The following GLMN variants were observed in gnomAD, a reference collection of about 807,000 sequenced individuals.
The protein encoded by GLMN is glomulin, FKBP associated protein, also known as glomulin.
In GLMN, 75 loss-of-function variants were observed where a neutral mutation model predicts 87.8. That is an observed-to-expected ratio of 0.85 (90% CI 0.71 to 1.04). GLMN has a LOEUF of 1.04. GLMN is among the 50% of genes least tolerant of loss of function. The pLI, the probability that GLMN is intolerant of heterozygous loss-of-function variation, is 0.00. For synonymous variants in GLMN, 206 were observed against 221.6 expected (o/e 0.93, Z 0.63); for missense variants, 588 against 658.8 (o/e 0.89, Z 1.18).
intron 7 of GLMN, among the ~76,000 whole-genome samples, chr1:92,274,214 A>T (rs766323588): frequency 6.6e-6 from 1 of 152,020 alleles, no homozygotes; most frequent in Non-Finnish European, 1.5e-5. Flanking sequence ...ACTCACCTAC[A>T]TCCTCAGTCT....
intron 8 of GLMN, among the ~76,000 whole-genome samples, chr1:92,270,055 C>T (rs1032475197): frequency 2.6e-5 from 4 of 152,166 alleles, no homozygotes; most frequent in East Asian, 1.9e-4. Flanking sequence ...GAACAGCATA[C>T]GAACATGAAG....
chr1:92,364,877 C>A, the GLMN span, among the ~76,000 whole-genome samples: 7 of 152,136 alleles, frequency 4.6e-5, no homozygotes, highest in Admixed American at 1.3e-4. Flanking sequence ...TCAAGGCAGG[C>A]CTTTGTTCAG....
In GLMN at chr1:92,286,523, A is replaced by C; in HGVS notation, c.702T>G (p.Asn234Lys). ...QFFEQSEEGG[N>K]DPFRYFASEI... ...CTGATGCAAAATACCTGAAAGGATC[A>C]TTTCCACCTTCTTCAGACTGTTCAA... Residue 234 changes from asparagine to lysine, a missense_variant, in exon 7 of 19, where the codon AAT (asparagine) becomes AAG (lysine). Transcript: ENST00000370360. 1.9e-6 allele frequency: 3 copies of C among 1,599,102 alleles called. No individual in the cohort carries two copies. The highest frequency in any genetic ancestry group is 2.6e-6 in the Non-Finnish European group (3 of 1,166,476).
At chr1:92,313,476 G>C in the GLMN span, among the ~76,000 whole-genome samples, 6 of 147,956 alleles carry the variant, frequency 4.1e-5, no homozygotes, top group South Asian at 1.1e-3. Flanking sequence ...GGTTTCAACA[G>C]TTGGCTTAAA....
intron 7 of GLMN, among the ~76,000 whole-genome samples, chr1:92,273,731 C>G (rs933425020): frequency 6.6e-6 from 1 of 152,048 alleles, no homozygotes; most frequent in Non-Finnish European, 1.5e-5. Flanking sequence ...CCTGGGCCTA[C>G]AAGCGGGAGC....
intron 7 of GLMN, among the ~76,000 whole-genome samples, chr1:92,284,620 T>C (rs1005325725): frequency 4.6e-5 from 7 of 151,872 alleles, no homozygotes; most frequent in African/African-American, 1.7e-4. Flanking sequence ...AATAGACAAA[T>C]GGGATTAATT....
chr1:92,297,328 T>A lies in GLMN; in HGVS notation c.165+76A>T. The A allele has an allele frequency of 1.9e-6, 3 of 1,573,994 alleles. No individual in the cohort carries two copies. The South Asian group carries it at 3.3e-5, about 18-fold the overall frequency. On this transcript the variant is annotated intron_variant, in intron 3 of 18. Transcript: ENST00000370360. ...AGTAGATTCTTAAATGTTTGATGGATAAATGACTGGATGAATAGCATCATG... is the reference window on the plus strand; with the variant it reads ...AGTAGATTCTTAAATGTTTGATGGAAAAATGACTGGATGAATAGCATCATG...
chr1:92,312,408 G>A, the GLMN span, among the ~76,000 whole-genome samples: 3 of 99,540 alleles, frequency 3.0e-5, no homozygotes, highest in Admixed American at 1.2e-4. Context: ...AACAGAGCAA[G>A]ACCGTGTCTC....
the GLMN span, among the ~76,000 whole-genome samples, chr1:92,351,305 C>CAAAAAAAAAA: frequency 1.5e-4 from 13 of 86,834 alleles, no homozygotes; most frequent in African/African-American, 5.5e-4. Context: ...GACTCTGTCT[C>CAAAAAAAAAA]AAAAAAAAAA....
chr1:92,335,832 A>C, the GLMN span, among the ~76,000 whole-genome samples: 1 of 152,302 alleles, frequency 6.6e-6, no homozygotes, highest in Admixed American at 6.5e-5. Flanking sequence ...TTCTGCAACA[A>C]GCATATTTTT....
chr1:92,318,155 C>T, the GLMN span, among the ~76,000 whole-genome samples: 1 of 152,214 alleles, frequency 6.6e-6, no homozygotes, highest in Non-Finnish European at 1.5e-5. Context: ...GATTCTTTCT[C>T]CCTTAACCTT....
chr1:92,313,073 G>A, the GLMN span, among the ~76,000 whole-genome samples: 1 of 152,104 alleles, frequency 6.6e-6, no homozygotes, highest in South Asian at 2.1e-4. Flanking sequence ...TGCCATGTTG[G>A]CCAGGCTGGT....
the GLMN span, among the ~76,000 whole-genome samples, chr1:92,333,984 T>A: frequency 1.3e-5 from 2 of 152,222 alleles, no homozygotes; most frequent in Non-Finnish European, 2.9e-5. Context: ...TTCTTGTAAT[T>A]AGCCCAGTCA....
At chr1:92,332,965 C>T in the GLMN span, among the ~76,000 whole-genome samples, 8 of 151,960 alleles carry the variant, frequency 5.3e-5, no homozygotes, top group African/African-American at 1.7e-4. Context: ...GAGAGAGAGT[C>T]GGTTTGAATT....
chr1:92,345,221 C>T, the GLMN span, among the ~76,000 whole-genome samples: 1 of 151,686 alleles, frequency 6.6e-6, no homozygotes, highest in African/African-American at 2.4e-5. Flanking sequence ...TTACCTTAAG[C>T]CAGACACAGC....
chr1:92,356,026 A>G, the GLMN span, among the ~76,000 whole-genome samples: 6 of 152,246 alleles, frequency 3.9e-5, no homozygotes, highest in South Asian at 1.2e-3. Flanking sequence ...TGAAATGTGT[A>G]AATTAATTTT....
Position 92,247,859 on chromosome 1 carries a change from A to G in GLMN, c.1585+19T>C, listed in dbSNP as rs1186439684. On this transcript the variant is annotated intron_variant, in intron 17 of 18. Coordinates refer to ENST00000370360, the MANE Select transcript of GLMN (RefSeq NM_053274.3). ...CTACTTTTTAGACCTAATTGAAAAC[A>G]AAATTGCACATTACCAACCTTGGCT... is the stretch of plus-strand genomic sequence containing the variant. 2.2e-6 allele frequency: 2 copies of G among 906,626 alleles called. No individual in the cohort carries two copies. The highest frequency in any genetic ancestry group is 2.2e-4 in the Middle Eastern group (1 of 4,558). The allele number at this position is 906,626 out of a possible 1,614,324, so 56.2% of individuals were successfully genotyped here.
In GLMN at chr1:92,291,588, C is replaced by CG. The variant is rs1557568496; in HGVS notation, c.166-52dup. On this transcript the variant is annotated intron_variant, in intron 3 of 18. Coordinates refer to ENST00000370360, the MANE Select transcript of GLMN (RefSeq NM_053274.3). ...CAAACACTGCCATCTATAGGACTCTCGCAGTGTGCTTTCCTATCTTGGAAG... is the reference window on the plus strand; with the variant it reads ...CAAACACTGCCATCTATAGGACTCTCGGCAGTGTGCTTTCCTATCTTGGAAG... The CG allele has an allele frequency of 2.5e-6, 4 of 1,583,996 alleles. No individual in the cohort carries two copies. The Admixed American group carries it at 5.0e-5, about 20-fold the overall frequency.
chr1:92,319,060 G>A, the GLMN span, among the ~76,000 whole-genome samples: 1 of 152,158 alleles, frequency 6.6e-6, no homozygotes, highest in East Asian at 1.9e-4. Context: ...AGAAAAAAGG[G>A]AGAGGTTTGT....
Sources: gnomAD v4.1 joint callset for allele counts (sites outside exome capture counted in the v4.1 genomes callset) on GRCh38, gnomAD v4.1.1 for gene constraint, MANE v1.5 for transcripts, NCBI Gene and HGNC (gene_info 2026-07-23, HGNC 2026-07-21) for gene names.